Variants in VAMP7 observed in about 807,000 individuals in gnomAD.
VAMP7 encodes the protein vesicle-associated membrane protein 7.
A neutral mutation model predicts 29.6 loss-of-function variants in VAMP7; 14 were observed. The observed-to-expected ratio is 0.47, with a 90% CI of 0.31 to 0.74. VAMP7 has a LOEUF of 0.74. Among genes scored for constraint, VAMP7 ranks in the 30% least tolerant of loss-of-function variants. VAMP7 has a pLI of 0.05. For missense variants in VAMP7, 223 were observed against 262.4 expected (o/e 0.85, Z 1.04); for synonymous variants, 95 against 88.1 (o/e 1.08, Z -0.44).
Position 155,942,074 on chromosome X carries a change from C to G in VAMP7, c.*123C>G, listed in dbSNP as rs1337058709. On this transcript the variant is annotated 3_prime_UTR_variant, in exon 8 of 8. Transcript: ENST00000286448. ...GCCAGTCTCTTCAACCCTCTTCTCA[C>G]TTTTTAAAATCTTGTTCCATGCCTC... 1.1e-5 allele frequency: 17 copies of G among 1,577,628 alleles called. No individual in the cohort carries two copies. Among genetic ancestry groups the G allele is most frequent in the Non-Finnish European group, 1.4e-5 (16 of 1,160,430 alleles).
intron 1 of VAMP7, among the ~76,000 whole-genome samples, chrX:155,885,604 G>C (rs1368741710): frequency 6.6e-6 from 1 of 152,060 alleles, no homozygotes; most frequent in African/African-American, 2.4e-5. Context: ...ATTGAAAATG[G>C]GGTCATACTG....
chrX:155,887,833 A>C (rs2065882555), intron 1 of VAMP7, among the ~76,000 whole-genome samples: 1 of 151,256 alleles, frequency 6.6e-6, no homozygotes, highest in Admixed American at 6.6e-5. Context: ...CCAGAGGCTG[A>C]GGTAGGAGGA....
At chrX:155,886,045 G>A (rs1416407377) in intron 1 of VAMP7, among the ~76,000 whole-genome samples, 1 of 152,286 alleles carries the variant, frequency 6.6e-6, no homozygotes. Context: ...AAGAGGAACA[G>A]TGTTGATATG....
Position 155,943,250 on chromosome X carries a change from C to G in VAMP7, c.*1299C>G, listed in dbSNP as rs1011506710. The stretch of plus-strand genomic sequence containing the variant: ...AATTATATTACATTTTACACTTTCT[C>G]AATGAATGAACAAATTAGTCTGTAG... On this transcript the variant is annotated 3_prime_UTR_variant, in exon 8 of 8. Transcript: ENST00000286448. The G allele has an allele frequency of 1.3e-4, 19 of 151,570 alleles. No homozygotes were observed. The highest frequency in any genetic ancestry group is 4.6e-4 in the African/African-American group (19 of 41,042). 9.4% of individuals were successfully genotyped at this position (151,570 alleles called of 1,614,324 possible).
At chrX:155,921,787 T>G (rs2066399484) in intron 6 of VAMP7, among the ~76,000 whole-genome samples, 1 of 152,038 alleles carries the variant, frequency 6.6e-6, no homozygotes, top group Non-Finnish European at 1.5e-5. Context: ...GTCTTCACTC[T>G]TTTAGGTGCT....
intron 6 of VAMP7, among the ~76,000 whole-genome samples, chrX:155,921,459 G>A (rs2066395127): frequency 6.6e-6 from 1 of 152,088 alleles, no homozygotes; most frequent in Admixed American, 6.6e-5. Flanking sequence ...CACAGATAGT[G>A]TTTTGCCTGT....
At chrX:155,927,032 C>T (rs138889007) in intron 6 of VAMP7, among the ~76,000 whole-genome samples, 251 of 152,164 alleles carry the variant, frequency 1.6e-3, no homozygotes, top group African/African-American at 5.7e-3. Flanking sequence ...GGTCACAGAT[C>T]GTCATAACAG....
chrX:155,898,322 G>A, intron 4 of VAMP7, 73 bp downstream of exon 4: 1 of 1,557,792 alleles, frequency 6.4e-7, no homozygotes, highest in Non-Finnish European at 8.7e-7. Context: ...TGAATCTAGG[G>A]GGCCCTGACC....
chrX:155,941,781 G>A, intron 7 of VAMP7, 102 bp from the exon 8 acceptor site: 2 of 1,293,110 alleles, frequency 1.5e-6, no homozygotes, highest in South Asian at 1.6e-5. Flanking sequence ...TACTCTAATG[G>A]AATCAGAAGT....
At chrX:155,902,051 G>A (rs746317518) in intron 5 of VAMP7, among the ~76,000 whole-genome samples, 1 of 152,098 alleles carries the variant, frequency 6.6e-6, no homozygotes, top group Admixed American at 6.5e-5. Flanking sequence ...ATTTCACTGA[G>A]CAGTGGTTTG....
chrX:155,911,150 A>G (rs1181201676), intron 5 of VAMP7, among the ~76,000 whole-genome samples: 1 of 152,170 alleles, frequency 6.6e-6, no homozygotes, highest in Non-Finnish European at 1.5e-5. Flanking sequence ...ATTCTTCCAC[A>G]TATGGATATC....
At chrX:155,895,576 T>G in intron 2 of VAMP7, 47 bp from the exon 3 acceptor site, 2 of 1,408,188 alleles carry the variant, frequency 1.4e-6, no homozygotes, top group South Asian at 2.3e-5. Flanking sequence ...GAAGTAAAAG[T>G]GATGTTGCTT....
intron 6 of VAMP7, among the ~76,000 whole-genome samples, chrX:155,931,749 T>C (rs1394305911): frequency 6.6e-6 from 1 of 152,180 alleles, no homozygotes; most frequent in East Asian, 1.9e-4. Flanking sequence ...TTGTTTCCAT[T>C]GTTTTTGGTG....
intron 1 of VAMP7, among the ~76,000 whole-genome samples, chrX:155,881,937 C>T (rs1284003360): frequency 6.6e-6 from 1 of 152,146 alleles, no homozygotes; most frequent in Non-Finnish European, 1.5e-5. Flanking sequence ...TGTATTTCTG[C>T]CTAGACCCGT....
chrX:155,933,188 G>C (rs2066591133), intron 6 of VAMP7, among the ~76,000 whole-genome samples: 1 of 152,236 alleles, frequency 6.6e-6, no homozygotes, highest in South Asian at 2.1e-4. Flanking sequence ...TCTCTGCCAG[G>C]CTTAGGTATC....
intron 5 of VAMP7, among the ~76,000 whole-genome samples, chrX:155,908,728 T>G: frequency 6.6e-6 from 1 of 152,176 alleles, no homozygotes; most frequent in Non-Finnish European, 1.5e-5. Context: ...CTTGAAATGT[T>G]TGGTAGAATT....
At chrX:155,935,924 G>A (rs2066646466) in intron 6 of VAMP7, among the ~76,000 whole-genome samples, 1 of 152,114 alleles carries the variant, frequency 6.6e-6, no homozygotes, top group African/African-American at 2.4e-5. Flanking sequence ...TAACAGTCAG[G>A]ACCCTCAGCT....
At chrX:155,927,240 G>A (rs1037112758) in intron 6 of VAMP7, among the ~76,000 whole-genome samples, 1 of 151,682 alleles carries the variant, frequency 6.6e-6, no homozygotes, top group Non-Finnish European at 1.5e-5. Context: ...GCTAGGGGAG[G>A]GATAGCATTA....
chrX:155,925,862 C>T (rs779069800), intron 6 of VAMP7, among the ~76,000 whole-genome samples: 2 of 152,220 alleles, frequency 1.3e-5, no homozygotes, highest in Non-Finnish European at 2.9e-5. Flanking sequence ...GATTTGGAGG[C>T]CCCAAGATTT....
Sources: gnomAD v4.1 joint callset for allele counts (sites outside exome capture counted in the v4.1 genomes callset) on GRCh38, gnomAD v4.1.1 for gene constraint, MANE v1.5 for transcripts, NCBI Gene and HGNC (gene_info 2026-07-23, HGNC 2026-07-21) for gene names.